The following FER variants were observed in gnomAD, a reference collection of about 807,000 sequenced individuals.
The protein encoded by FER is tyrosine-protein kinase Fer.
In FER, 63 loss-of-function variants were observed where a neutral mutation model predicts 111.0. The observed-to-expected ratio is 0.57, with a 90% CI of 0.46 to 0.70. The LOEUF is 0.70. Ranked by LOEUF, FER falls within the 30% of genes least tolerant of loss-of-function variation. FER has a pLI of 0.00. For synonymous variants in FER, 327 were observed against 313.9 expected (o/e 1.04, Z -0.44); for missense variants, 914 against 954.0 (o/e 0.96, Z 0.55).
At chr5:109,089,946 G>T (rs1451384931) in intron 16 of FER, among the ~76,000 whole-genome samples, 2 of 152,174 alleles carry the variant, frequency 1.3e-5, no homozygotes, top group Non-Finnish European at 2.9e-5. Context: ...CTGTGCTGCT[G>T]AGAAAGTCTG....
intron 16 of FER, among the ~76,000 whole-genome samples, chr5:109,070,913 T>A (rs1021243297): frequency 9.2e-5 from 14 of 152,022 alleles, no homozygotes; most frequent in Non-Finnish European, 1.8e-4. Flanking sequence ...GGACATTTTT[T>A]AAAAATAAAT....
chr5:109,010,435 C>T (rs530467060), intron 13 of FER, among the ~76,000 whole-genome samples: 81 of 152,124 alleles, frequency 5.3e-4, no homozygotes, highest in African/African-American at 1.9e-3. Context: ...GGAATTACAG[C>T]CGTGAGCCAC....
At position 109,014,455 on chromosome 5, in the gene FER, A is replaced by G. The variant is rs539646666; in HGVS notation, c.1657-22967A>G. On this transcript the variant is annotated intron_variant, in intron 13 of 19. Coordinates refer to ENST00000281092, the MANE Select transcript of FER (RefSeq NM_005246.4). The stretch of plus-strand genomic sequence containing the variant: ...CATTGATCTATATCTCTGTTTTGGT[A>G]CCAGCACCATGCTGTTTTGGTTACT... Among the ~76,000 whole-genome samples, 14 of 152,266 alleles carry G rather than the reference A, an allele frequency of 9.2e-5. No individual in the cohort carries two copies. The East Asian group carries it at 2.7e-3, about 29-fold the overall frequency.
chr5:108,785,564 C>G, intron 2 of FER: 1 of 497,948 alleles, frequency 2.0e-6, no homozygotes, highest in Non-Finnish European at 4.0e-6. Flanking sequence ...AAGTTTATGG[C>G]AGAGCTTTAG....
At chr5:108,841,768 T>C in intron 5 of FER, 1 of 360,634 alleles carries the variant, frequency 2.8e-6, no homozygotes, top group Admixed American at 4.0e-5. Context: ...GTGGGAGGTC[T>C]TTCTGGACCA....
chr5:108,852,492 T>C (rs1170385529), intron 5 of FER, among the ~76,000 whole-genome samples: 2 of 152,150 alleles, frequency 1.3e-5, no homozygotes, highest in African/African-American at 4.8e-5. Flanking sequence ...ATCTGTATAT[T>C]TTGGCGATAT....
At chr5:108,979,229 G>C (rs917291345) in intron 13 of FER, among the ~76,000 whole-genome samples, 3 of 152,086 alleles carry the variant, frequency 2.0e-5, no homozygotes, top group Admixed American at 6.5e-5. Context: ...AAGAAATCTG[G>C]CAGGAAAGCC....
At chr5:109,112,456 C>T (rs1242991867) in intron 17 of FER, among the ~76,000 whole-genome samples, 1 of 152,120 alleles carries the variant, frequency 6.6e-6, no homozygotes, top group Non-Finnish European at 1.5e-5. Context: ...TGAAGTAAAA[C>T]TTACTATTGG....
intron 10 of FER, among the ~76,000 whole-genome samples, chr5:108,945,549 T>G (rs2149624014): frequency 6.6e-6 from 1 of 152,132 alleles, no homozygotes; most frequent in African/African-American, 2.4e-5. Flanking sequence ...ATTACCTTCT[T>G]ATTTTACTTC....
intron 13 of FER, among the ~76,000 whole-genome samples, chr5:108,993,412 G>T (rs570905657): frequency 6.6e-6 from 1 of 152,126 alleles, no homozygotes; most frequent in East Asian, 1.9e-4. Context: ...GGCCGCGCGC[G>T]CCTGCAATCG....
chr5:108,938,667 G>A (rs1433302446), intron 10 of FER, among the ~76,000 whole-genome samples: 1 of 151,940 alleles, frequency 6.6e-6, no homozygotes, highest in Non-Finnish European at 1.5e-5. Context: ...GAGAAGAGAA[G>A]ATGATTGATT....
At chr5:109,062,468 G>T (rs1277772883) in intron 16 of FER, among the ~76,000 whole-genome samples, 3 of 152,162 alleles carry the variant, frequency 2.0e-5, no homozygotes, top group Non-Finnish European at 4.4e-5. Context: ...AGAGGTTACA[G>T]TGAACCAGGA....
intron 17 of FER, among the ~76,000 whole-genome samples, chr5:109,138,729 G>A (rs1024803842): frequency 6.6e-6 from 1 of 152,148 alleles, no homozygotes. Flanking sequence ...GGGCTGTGAA[G>A]TCACTTACCC....
At chr5:109,184,173 C>T (rs1397049452) in intron 18 of FER, among the ~76,000 whole-genome samples, 1 of 152,074 alleles carries the variant, frequency 6.6e-6, no homozygotes, top group Non-Finnish European at 1.5e-5. Context: ...CAGAAATTTT[C>T]CTTTTGTCAC....
At chr5:109,183,248 G>GTTT (rs10682212) in intron 18 of FER, among the ~76,000 whole-genome samples, 25,225 of 115,496 alleles carry the variant, frequency 0.22, 4,140 homozygotes, top group African/African-American at 0.32. Flanking sequence ...ATCCTAGCGT[G>GTTT]TTTTTTTTTT....
At chr5:108,779,265 C>T (rs7715658) in intron 2 of FER, among the ~76,000 whole-genome samples, 36,324 of 151,870 alleles carry the variant, frequency 0.24, 4,603 homozygotes, top group African/African-American at 0.32. Context: ...TATTCTTTTC[C>T]TTTAATGCTG....
chr5:109,154,411 G>A (rs1755151943), intron 17 of FER, among the ~76,000 whole-genome samples: 1 of 151,746 alleles, frequency 6.6e-6, no homozygotes, highest in Admixed American at 6.6e-5. Flanking sequence ...CAATTTATTA[G>A]GAAAGATAAG....
Position 108,872,167 on chromosome 5 carries a change from A to G in FER, c.878A>G (p.Asn293Ser), listed in dbSNP as rs771480988. ...GAAGAAAATGAAAATCTTCAGGCAA[A>G]TGAGATCATGTGGAATAACTTAACA... is the stretch of plus-strand genomic sequence containing the variant. ...LLEENENLQANEIMWNNLTAE... is the reference protein window; with the variant it reads ...LLEENENLQASEIMWNNLTAE... The change falls in exon 8 of 20, where the codon AAT becomes AGT. Residue 293 changes from asparagine (N) to serine (S), a missense_variant. Asn to Ser is a conservative substitution (Grantham distance 46). Coordinates refer to ENST00000281092, the MANE Select transcript of FER (RefSeq NM_005246.4). 16 of 1,611,768 alleles carry G rather than the reference A, an allele frequency of 9.9e-6. No homozygotes were observed. The highest frequency in any genetic ancestry group is 3.3e-4 in the Middle Eastern group (2 of 6,068).
intron 5 of FER, among the ~76,000 whole-genome samples, chr5:108,854,322 C>T (rs902098124): frequency 1.3e-5 from 2 of 152,034 alleles, no homozygotes; most frequent in African/African-American, 2.4e-5. Flanking sequence ...TTTGAGTGTA[C>T]GACCATTATA....
Sources: allele counts gnomAD v4.1 joint callset (sites outside exome capture counted in the v4.1 genomes callset), GRCh38; gene constraint gnomAD v4.1.1; transcripts MANE v1.5; gene names NCBI Gene and HGNC (gene_info 2026-07-23, HGNC 2026-07-21).